Variants in ADARB2 observed in about 807,000 individuals in gnomAD.
ADARB2 encodes adenosine deaminase RNA specific B2 (inactive).
A neutral mutation model predicts 62.2 loss-of-function variants in ADARB2; 25 were observed. The ratio of observed to expected loss-of-function variants is 0.40; its 90% CI spans 0.29 to 0.56. The LOEUF (loss-of-function observed/expected upper bound fraction) is 0.56. Ranked by LOEUF, ADARB2 falls within the 20% of genes least tolerant of loss-of-function variation. The probability of loss-of-function intolerance (pLI) is 0.43; values close to 1 mark genes in which losing one functional copy is unlikely to be tolerated. For synonymous variants in ADARB2, 572 were observed against 500.8 expected (o/e 1.14, Z -1.90); for missense variants, 1,071 against 1,077.4 (o/e 0.99, Z 0.08).
intron 4 of ADARB2, among the ~76,000 whole-genome samples, chr10:1,244,599 C>T (rs1319396524): frequency 1.3e-5 from 2 of 152,192 alleles, no homozygotes; most frequent in Non-Finnish European, 2.9e-5. Context: ...TGATTCTCAC[C>T]CCCACCGCCA....
intron 1 of ADARB2, among the ~76,000 whole-genome samples, chr10:1,532,274 T>C (rs1832255174): frequency 1.3e-5 from 2 of 152,234 alleles, no homozygotes; most frequent in Non-Finnish European, 2.9e-5. Flanking sequence ...TGTCTATCTC[T>C]AATTCCCACA....
chr10:1,725,599 A>G (rs6560766), intron 1 of ADARB2, among the ~76,000 whole-genome samples: 131,286 of 152,058 alleles, frequency 0.86, 56,846 homozygotes, highest in Middle Eastern at 0.92. Flanking sequence ...CCAGGACCCC[A>G]CAGCGGGGGA....
At chr10:1,547,242 G>C (rs549552115) in intron 1 of ADARB2, among the ~76,000 whole-genome samples, 2 of 138,830 alleles carry the variant, frequency 1.4e-5, no homozygotes, top group East Asian at 2.2e-4. Context: ...CACTGTGTTG[G>C]GGGCAGAGGC....
At chr10:1,685,865 C>T (rs1277139892) in intron 1 of ADARB2, among the ~76,000 whole-genome samples, 1 of 152,148 alleles carries the variant, frequency 6.6e-6, no homozygotes, top group East Asian at 1.9e-4. Context: ...AGGACTTCAG[C>T]CCTCCAGTGG....
chr10:1,631,959 G>C (rs1210742630), intron 1 of ADARB2, among the ~76,000 whole-genome samples: 1 of 151,704 alleles, frequency 6.6e-6, no homozygotes. Context: ...TCTTAGAGAG[G>C]AGCTTGCCAT....
At chr10:1,358,121 G>C (rs1249918756) in intron 3 of ADARB2, among the ~76,000 whole-genome samples, 1 of 152,222 alleles carries the variant, frequency 6.6e-6, no homozygotes. Flanking sequence ...GGGCATCAAA[G>C]AAGTGGCTTC....
intron 1 of ADARB2, among the ~76,000 whole-genome samples, chr10:1,443,928 G>T (rs565499782): frequency 6.6e-6 from 1 of 151,898 alleles, no homozygotes. Context: ...TAACACAAAT[G>T]CTATTCACCC....
chr10:1,683,399 ACTT>A (rs1361353858), intron 1 of ADARB2, among the ~76,000 whole-genome samples: 1 of 152,188 alleles, frequency 6.6e-6, no homozygotes, highest in Non-Finnish European at 1.5e-5. Context: ...CACATGAAAA[ACTT>A]CTTAATTTAT....
intron 1 of ADARB2, among the ~76,000 whole-genome samples, chr10:1,654,633 C>T (rs190631175): frequency 4.6e-5 from 7 of 152,358 alleles, no homozygotes; most frequent in African/African-American, 7.2e-5. Flanking sequence ...TCTGCCAGGG[C>T]GGGGCTTTCC....
chr10:1,649,415 C>G (rs1834083953), intron 1 of ADARB2, among the ~76,000 whole-genome samples: 1 of 152,204 alleles, frequency 6.6e-6, no homozygotes, highest in African/African-American at 2.4e-5. Flanking sequence ...GGCCCCTGTC[C>G]TGCCCTTCAG....
At chr10:1,506,502 G>A (rs1429027526) in intron 1 of ADARB2, among the ~76,000 whole-genome samples, 1 of 152,154 alleles carries the variant, frequency 6.6e-6, no homozygotes, top group East Asian at 1.9e-4. Context: ...TAGTTTCAGC[G>A]ACAGCCTGTC....
At chr10:1,253,145 C>T (rs12252356) in intron 4 of ADARB2, among the ~76,000 whole-genome samples, 5,635 of 152,210 alleles carry the variant, frequency 0.037, 377 homozygotes, top group African/African-American at 0.13. Flanking sequence ...GAAAATAATG[C>T]GAAGTTCTTA....
At chr10:1,654,914 T>C (rs760059095) in intron 1 of ADARB2, among the ~76,000 whole-genome samples, 1 of 152,184 alleles carries the variant, frequency 6.6e-6, no homozygotes, top group Non-Finnish European at 1.5e-5. Flanking sequence ...AAATGCTCAG[T>C]TGTGTGAAGG....
intron 1 of ADARB2, among the ~76,000 whole-genome samples, chr10:1,383,092 G>T (rs1172235944): frequency 6.6e-6 from 1 of 152,176 alleles, no homozygotes; most frequent in African/African-American, 2.4e-5. Flanking sequence ...ACTCACTGTG[G>T]AATAAATGGC....
At chr10:1,510,112 C>CTT (rs765805792) in intron 1 of ADARB2, among the ~76,000 whole-genome samples, 1 of 72,646 alleles carries the variant, frequency 1.4e-5, no homozygotes, top group Non-Finnish European at 2.7e-5. Context: ...TTCTTTCTCT[C>CTT]TTTCTTTCTT....
At chr10:1,392,090 C>T (rs1832575881) in intron 1 of ADARB2, among the ~76,000 whole-genome samples, 1 of 152,060 alleles carries the variant, frequency 6.6e-6, no homozygotes, top group African/African-American at 2.4e-5. Context: ...TACTCTACCT[C>T]CTAAAAAGCA....
rs1027876030 is a variant in ADARB2 at position 1,632,878 on chromosome 10, G to A, written c.100+104173C>T. ...GGCTGGTCAACTGTTATTTCTGGGT[G>A]TATCTGGGAGGATGTTTCTGGAAGA... On this transcript the variant is annotated intron_variant, in intron 1 of 9. Transcript: ENST00000381312. Among the ~76,000 whole-genome samples, 3 of 152,362 alleles carry A rather than the reference G, an allele frequency of 2.0e-5. No individual in the cohort carries two copies. In the East Asian group the frequency reaches 5.8e-4, roughly 29 times the overall value.
At chr10:1,695,812 ATG>A (rs1408644851) in intron 1 of ADARB2, among the ~76,000 whole-genome samples, 6 of 151,742 alleles carry the variant, frequency 4.0e-5, no homozygotes, top group Non-Finnish European at 8.8e-5. Context: ...ATATATGTAC[ATG>A]TGTTTGTGAG....
At chr10:1,417,641 G>T (rs943806865) in intron 1 of ADARB2, among the ~76,000 whole-genome samples, 1 of 152,184 alleles carries the variant, frequency 6.6e-6, no homozygotes, top group African/African-American at 2.4e-5. Context: ...CTTTTGTCTG[G>T]GTTCTGTATT....
Sources: gnomAD v4.1 joint callset for allele counts (sites outside exome capture counted in the v4.1 genomes callset) on GRCh38, gnomAD v4.1.1 for gene constraint, MANE v1.5 for transcripts, NCBI Gene and HGNC (gene_info 2026-07-23, HGNC 2026-07-21) for gene names.